Variants in CSNK1D observed in about 807,000 individuals in gnomAD.
The protein encoded by CSNK1D is casein kinase 1 delta, also known as casein kinase I isoform delta.
A neutral mutation model predicts 46.6 loss-of-function variants in CSNK1D; 16 were observed. That is an observed-to-expected ratio of 0.34 (90% CI 0.23 to 0.52). The LOEUF is 0.52. Among genes scored for constraint, CSNK1D ranks in the 20% least tolerant of loss-of-function variants. The pLI, the probability that CSNK1D is intolerant of heterozygous loss-of-function variation, is 0.95. For synonymous variants in CSNK1D, 276 were observed against 228.2 expected, an observed-to-expected ratio of 1.21 and a Z score of -1.89; for missense variants, 398 against 578.4, an observed-to-expected ratio of 0.69 and a Z score of 3.20.
Position 82,243,580 on chromosome 17 carries a change from C to T in CSNK1D, c.*1201G>A, listed in dbSNP as rs1263058008. ...GCCCAACAGAAGGTCACAGCGCAGA[C>T]TCTACTTTCTGGCCGTGAAGGTTCT... On this transcript the variant is annotated 3_prime_UTR_variant, in exon 9 of 9. Transcript: ENST00000314028. 1.0e-6 allele frequency: 1 copy of T among 985,388 alleles called. No homozygotes were observed. Among genetic ancestry groups the T allele is most frequent in the Non-Finnish European group, 1.2e-6 (1 of 829,976 alleles). The allele number at this position is 985,388 out of a possible 1,614,324, so 61.0% of individuals were successfully genotyped here. A position where few individuals can be genotyped will look rare whatever the true frequency, so the allele number is the denominator to read the frequency against.
At chr17:82,259,467 C>T (rs1453711816) in intron 2 of CSNK1D, among the ~76,000 whole-genome samples, 1 of 152,174 alleles carries the variant, frequency 6.6e-6, no homozygotes, top group Non-Finnish European at 1.5e-5. Context: ...GGCTGCACTG[C>T]AGGGGGGAAT....
At chr17:82,246,094 C>T (rs1425739063) in intron 8 of CSNK1D, 3 of 1,570,864 alleles carry the variant, frequency 1.9e-6, no homozygotes, top group African/African-American at 1.4e-5. Flanking sequence ...CCCTGACTAC[C>T]TGTGTCGGCT....
intron 8 of CSNK1D, chr17:82,246,015 C>G: frequency 6.2e-7 from 1 of 1,610,416 alleles, no homozygotes; most frequent in Non-Finnish European, 8.5e-7. Flanking sequence ...AGCTACTTGC[C>G]GTGGTGTTCG....
At chr17:82,261,406 C>T (rs1474676838) in intron 2 of CSNK1D, among the ~76,000 whole-genome samples, 6 of 151,978 alleles carry the variant, frequency 3.9e-5, no homozygotes, top group Non-Finnish European at 5.9e-5. Context: ...TAAACATATG[C>T]GTGGGGATAA....
Position 82,252,410 on chromosome 17 carries a change from G to A in CSNK1D, c.736+24C>T. 1.9e-6 allele frequency: 3 copies of A among 1,613,908 alleles called. No individual in the cohort carries two copies. Among genetic ancestry groups the A allele is most frequent in the Non-Finnish European group, 2.5e-6 (3 of 1,179,838 alleles). On this transcript the variant is annotated intron_variant, in intron 5 of 8. Coordinates refer to ENST00000314028, the MANE Select transcript of CSNK1D (RefSeq NM_001893.6). This position sits in a 1 kb window ranked among gnomAD's most constrained non-coding sequence, Gnocchi z 4.6. ...TGCAACCCCTGTGAGCAGCTCCGCT[G>A]AGAAGAGGCCTCCAGAGACTTACAA...
rs912470328 is a variant in CSNK1D, at chr17:82,273,283, GGGCGGGGGC to G, written c.76+14_76+22del. On this transcript the variant is annotated intron_variant, in intron 1 of 8. Transcript: ENST00000314028. This position sits in a 1 kb window ranked among gnomAD's most constrained non-coding sequence, Gnocchi z 5.1. ...CGCAGGGCCCGGGTCTTCGGGCGGC[GGGCGGGGGC>G]GGCGGGGCCTCACCGAGATAGATGT... The G allele has an allele frequency of 3.1e-6, 5 of 1,596,958 alleles. No individual in the cohort carries two copies. The African/African-American group carries it at 4.0e-5, about 13-fold the overall frequency.
At chr17:82,272,894 C>G (rs2051669912) in intron 1 of CSNK1D, among the ~76,000 whole-genome samples, 1 of 137,928 alleles carries the variant, frequency 7.3e-6, no homozygotes, top group Non-Finnish European at 1.6e-5. Flanking sequence ...TCCCCTCCCA[C>G]GGCCCGCTGC....
chr17:82,254,446 G>C (rs1355575600), intron 3 of CSNK1D: 148 of 271,396 alleles, frequency 5.5e-4, no homozygotes, highest in Non-Finnish European at 9.1e-4. Flanking sequence ...AAGCCAGTCA[G>C]CTGAGCCGCC....
chr17:82,245,133 G>A lies in CSNK1D; in HGVS notation c.1198-302C>T, dbSNP rs1005947961. The A allele has an allele frequency of 8.1e-5, 46 of 567,236 alleles. 1 individual carries two copies. The highest frequency in any genetic ancestry group is 6.9e-4 in the South Asian group (34 of 49,502). The allele number at this position is 567,236 out of a possible 1,614,324, so 35.1% of individuals were successfully genotyped here. ...ACGGGTGCTCCTGCCTCCCTTCCTGGAAAGGAACCTGGTGTTTGAAAATGG... is the reference window on the plus strand; with the variant it reads ...ACGGGTGCTCCTGCCTCCCTTCCTGAAAAGGAACCTGGTGTTTGAAAATGG... On this transcript the variant is annotated intron_variant, in intron 8 of 8. Coordinates refer to ENST00000314028, the MANE Select transcript of CSNK1D (RefSeq NM_001893.6).
chr17:82,266,374 G>T (rs1025693692), intron 1 of CSNK1D, among the ~76,000 whole-genome samples: 1 of 152,156 alleles, frequency 6.6e-6, no homozygotes, highest in African/African-American at 2.4e-5. Context: ...CCCTTCCTGG[G>T]GACACAAAGC....
rs997494822 is a variant in CSNK1D, at chr17:82,243,047, G to A, written c.*1734C>T. 4 of 985,216 alleles carry A rather than the reference G, an allele frequency of 4.1e-6. No homozygotes were observed. The highest frequency in any genetic ancestry group is 4.7e-5 in the South Asian group (1 of 21,286). 61.0% of individuals were successfully genotyped at this position (985,216 alleles called of 1,614,324 possible). ...AGCAACAAAGAAAATCTCTTAACTC[G>A]GCTCTGACCCACCCCAACCTCCCTC... On this transcript the variant is annotated 3_prime_UTR_variant, in exon 9 of 9. Transcript: ENST00000314028.
In CSNK1D at chr17:82,249,414, G is replaced by A; in HGVS notation, c.1057+17C>T. The stretch of plus-strand genomic sequence containing the variant: ...ACCCCAGAGCCAGCCCCAGAGCGCT[G>A]GGAGGGGGGCACTCACCCGTGTGTG... On this transcript the variant is annotated intron_variant, in intron 7 of 8. Coordinates refer to ENST00000314028, the MANE Select transcript of CSNK1D (RefSeq NM_001893.6). This position sits in a 1 kb window ranked among gnomAD's most constrained non-coding sequence, Gnocchi z 6.7. 6.5e-7 allele frequency: 1 copy of A among 1,534,034 alleles called. No homozygotes were observed. The highest frequency in any genetic ancestry group is 8.7e-7 in the Non-Finnish European group (1 of 1,144,844).
In CSNK1D at chr17:82,251,675, G is replaced by A. The variant is rs2051012923; in HGVS notation, c.737-148C>T. The A allele has an allele frequency of 1.1e-6, 1 of 872,162 alleles. No individual in the cohort carries two copies. The highest frequency in any genetic ancestry group is 1.9e-6 in the Non-Finnish European group (1 of 536,732). The allele number at this position is 872,162 out of a possible 1,614,324, so 54.0% of individuals were successfully genotyped here. On this transcript the variant is annotated intron_variant, in intron 5 of 8. Coordinates refer to ENST00000314028, the MANE Select transcript of CSNK1D (RefSeq NM_001893.6). The surrounding 1 kb of genome is among the most constrained non-coding windows in gnomAD (Gnocchi z 4.5). ...ACCTGTCAGATTTCTAAGACCTGAA[G>A]CCTTGAGAAAGCATCGAAAAGTATT...
In CSNK1D at chr17:82,250,626, C is replaced by A; in HGVS notation, c.885+753G>T. The stretch of plus-strand genomic sequence containing the variant: ...CAAGTAAGTCAAGATGAACAGAGTG[C>A]ACCCCTCCCAGCATCTGGAGACCCC... On this transcript the variant is annotated intron_variant, in intron 6 of 8. Transcript: ENST00000314028. This position sits in a 1 kb window ranked among gnomAD's most constrained non-coding sequence, Gnocchi z 4.6. 1 of 184,874 alleles carries A rather than the reference C, an allele frequency of 5.4e-6. No homozygotes were observed. 11.5% of individuals were successfully genotyped at this position (184,874 alleles called of 1,614,324 possible).
Position 82,243,624 on chromosome 17 carries a change from CACCTG to C in CSNK1D, c.*1152_*1156del. ...AGGTTCTGGGTCCGGTTGGGAGAGT[CACCTG>C]CTCCTTGGCACCTCAGGGTGGGTCC... On this transcript the variant is annotated 3_prime_UTR_variant, in exon 9 of 9. Transcript: ENST00000314028. 1 of 985,532 alleles carries C rather than the reference CACCTG, an allele frequency of 1.0e-6. No homozygotes were observed. The highest frequency in any genetic ancestry group is 1.2e-6 in the Non-Finnish European group (1 of 829,972). The allele number at this position is 985,532 out of a possible 1,614,324, so 61.0% of individuals were successfully genotyped here.
At chr17:82,239,860 C>A, downstream of CSNK1D, 1 of 545,546 alleles carries the variant, frequency 1.8e-6, no homozygotes, top group Non-Finnish European at 2.8e-6. Context: ...TGCACCCTGT[C>A]CTCCATCCAG....
intron 2 of CSNK1D, among the ~76,000 whole-genome samples, chr17:82,259,670 A>G (rs1176008909): frequency 1.3e-5 from 2 of 152,242 alleles, no homozygotes; most frequent in Admixed American, 6.5e-5. Flanking sequence ...CAAATGCTAG[A>G]AGCTCCCCAG....
chr17:82,255,652 A>G lies in CSNK1D; in HGVS notation c.188-75T>C. 2 of 1,568,532 alleles carry G rather than the reference A, an allele frequency of 1.3e-6. No homozygotes were observed. Among genetic ancestry groups the G allele is most frequent in the African/African-American group, 1.4e-5 (1 of 74,052 alleles). ...TCCACACTAAGTCTGCACTGTGCAC[A>G]CCAAGGGGTCATGGTGACAATCCTG... On this transcript the variant is annotated intron_variant, in intron 2 of 8. Transcript: ENST00000314028. This position sits in a 1 kb window ranked among gnomAD's most constrained non-coding sequence, Gnocchi z 5.9.
At chr17:82,240,842 C>T (rs761319582), downstream of CSNK1D, among the ~76,000 whole-genome samples, 6 of 152,088 alleles carry the variant, frequency 3.9e-5, no homozygotes, top group South Asian at 2.1e-4. Context: ...CGTGAGTGGG[C>T]GCTGAGTTCT....
Sources: gnomAD v4.1 joint callset for allele counts (sites outside exome capture counted in the v4.1 genomes callset) on GRCh38, gnomAD v4.1.1 for gene constraint, Gnocchi (gnomAD v3.1) non-coding constraint, MANE v1.5 for transcripts, NCBI Gene and HGNC (gene_info 2026-07-23, HGNC 2026-07-21) for gene names.